LHFPL3: variants seen among roughly 807,000 people sequenced by gnomAD.
LHFPL3 encodes the protein LHFPL tetraspan subfamily member 3.
LHFPL3 carries 5 observed loss-of-function variants against 19.3 expected under a neutral mutation model. That is an observed-to-expected ratio of 0.26 (90% CI 0.14 to 0.54). The LOEUF (loss-of-function observed/expected upper bound fraction) is 0.54, where lower values mean the gene tolerates loss of function less well. Among genes scored for constraint, LHFPL3 ranks in the 20% least tolerant of loss-of-function variants. The pLI, the probability that LHFPL3 is intolerant of heterozygous loss-of-function variation, is 0.94. For synonymous variants in LHFPL3, 133 were observed against 126.2 expected (o/e 1.05, Z -0.36); for missense variants, 249 against 307.4 (o/e 0.81, Z 1.42).
chr7:104,649,251 G>A (rs1277784354), intron 1 of LHFPL3, among the ~76,000 whole-genome samples: 1 of 152,174 alleles, frequency 6.6e-6, no homozygotes, highest in Non-Finnish European at 1.5e-5. Flanking sequence ...CAGTCTGGAG[G>A]GTGCATTTGG....
At chr7:104,581,873 C>T (rs1790468841) in intron 1 of LHFPL3, among the ~76,000 whole-genome samples, 1 of 151,914 alleles carries the variant, frequency 6.6e-6, no homozygotes, top group South Asian at 2.1e-4. Flanking sequence ...ACCACACTGT[C>T]TTGATTAATG....
At chr7:104,650,956 G>C (rs1465569182) in intron 1 of LHFPL3, among the ~76,000 whole-genome samples, 1 of 152,192 alleles carries the variant, frequency 6.6e-6, no homozygotes, top group Admixed American at 6.5e-5. Context: ...GCTTCAGTTA[G>C]AGTCTATCTG....
At chr7:104,795,531 GA>G (rs1248219080) in intron 2 of LHFPL3, among the ~76,000 whole-genome samples, 1 of 152,198 alleles carries the variant, frequency 6.6e-6, no homozygotes, top group Non-Finnish European at 1.5e-5. Context: ...AGAGAAGGAA[GA>G]GGGGCTGAAA....
intron 1 of LHFPL3, among the ~76,000 whole-genome samples, chr7:104,345,087 G>A (rs1250797127): frequency 6.6e-6 from 1 of 152,066 alleles, no homozygotes; most frequent in Admixed American, 6.5e-5. Context: ...TTCTTTAATT[G>A]TTATAGAATC....
intron 1 of LHFPL3, among the ~76,000 whole-genome samples, chr7:104,692,902 G>C (rs539372891): frequency 1.3e-5 from 2 of 152,238 alleles, no homozygotes; most frequent in East Asian, 3.9e-4. Context: ...ACCCCAAAAT[G>C]GTAGATCCAC....
chr7:104,628,679 A>T (rs1027103777), intron 1 of LHFPL3, among the ~76,000 whole-genome samples: 1 of 152,210 alleles, frequency 6.6e-6, no homozygotes, highest in African/African-American at 2.4e-5. Context: ...AGTAGCATTC[A>T]TATTACTGGG....
At chr7:104,579,679 C>A (rs928192594) in intron 1 of LHFPL3, among the ~76,000 whole-genome samples, 5 of 152,180 alleles carry the variant, frequency 3.3e-5, no homozygotes, top group Non-Finnish European at 7.4e-5. Context: ...ATCTAAATTA[C>A]TCCATTTAGA....
chr7:104,586,073 A>G (rs966152029), intron 1 of LHFPL3, among the ~76,000 whole-genome samples: 1 of 152,160 alleles, frequency 6.6e-6, no homozygotes, highest in African/African-American at 2.4e-5. Flanking sequence ...AAAAATGAAT[A>G]GAATGAAAAT....
At chr7:104,378,080 A>G (rs1181800869) in intron 1 of LHFPL3, among the ~76,000 whole-genome samples, 1 of 152,204 alleles carries the variant, frequency 6.6e-6, no homozygotes, top group Non-Finnish European at 1.5e-5. Flanking sequence ...GTTCAAATGT[A>G]CAGTTTATAG....
At chr7:104,332,223 CTTT>C (rs1183733733) in intron 1 of LHFPL3, among the ~76,000 whole-genome samples, 1 of 63,942 alleles carries the variant, frequency 1.6e-5, no homozygotes, top group Non-Finnish European at 2.6e-5. Flanking sequence ...TATTTCTTTT[CTTT>C]TTTTTTTTTT....
intron 1 of LHFPL3, among the ~76,000 whole-genome samples, chr7:104,340,974 GT>G (rs2116365863): frequency 6.6e-6 from 1 of 152,304 alleles, no homozygotes; most frequent in South Asian, 2.1e-4. Flanking sequence ...TGAACATTTA[GT>G]CATTCTTACT....
chr7:104,840,319 T>TC (rs1791174857), intron 2 of LHFPL3, among the ~76,000 whole-genome samples: 1 of 148,028 alleles, frequency 6.8e-6, no homozygotes. Context: ...TTTTTTTTTT[T>TC]TTTTTTCTCC....
At chr7:104,675,398 G>A (rs1209451800) in intron 1 of LHFPL3, among the ~76,000 whole-genome samples, 6 of 152,080 alleles carry the variant, frequency 3.9e-5, no homozygotes, top group Non-Finnish European at 5.9e-5. Context: ...TTTGGCCTTC[G>A]CTCTACTCCT....
At chr7:104,561,730 G>A (rs1054794054) in intron 1 of LHFPL3, among the ~76,000 whole-genome samples, 3 of 151,988 alleles carry the variant, frequency 2.0e-5, no homozygotes, top group African/African-American at 7.3e-5. Context: ...TCATTATGAT[G>A]TTAGCTGGTT....
chr7:104,332,876 A>C (rs1300584245), intron 1 of LHFPL3, among the ~76,000 whole-genome samples: 1 of 152,064 alleles, frequency 6.6e-6, no homozygotes, highest in Non-Finnish European at 1.5e-5. Flanking sequence ...CATAAAAATA[A>C]TACATAAAAT....
chr7:104,775,762 T>C (rs1201897630), intron 2 of LHFPL3, among the ~76,000 whole-genome samples: 1 of 152,160 alleles, frequency 6.6e-6, no homozygotes, highest in Non-Finnish European at 1.5e-5. Flanking sequence ...ATCTTCTGAA[T>C]ACACCCAACA....
At chr7:104,627,554 C>A (rs1791568491) in intron 1 of LHFPL3, among the ~76,000 whole-genome samples, 1 of 152,132 alleles carries the variant, frequency 6.6e-6, no homozygotes, top group South Asian at 2.1e-4. Flanking sequence ...TTCAATGCAT[C>A]TTTGTGTCAT....
intron 1 of LHFPL3, among the ~76,000 whole-genome samples, chr7:104,500,831 C>T (rs973171195): frequency 6.6e-6 from 1 of 152,178 alleles, no homozygotes; most frequent in East Asian, 1.9e-4. Context: ...GCCCTGTCCT[C>T]CTTCACGTCT....
At chr7:104,818,716 G>A (rs554277185) in intron 2 of LHFPL3, among the ~76,000 whole-genome samples, 9 of 152,030 alleles carry the variant, frequency 5.9e-5, no homozygotes, top group East Asian at 1.9e-4. Flanking sequence ...TTGTTTCCAC[G>A]TTTCACTAAT....
Sources: allele counts gnomAD v4.1 joint callset (sites outside exome capture counted in the v4.1 genomes callset), GRCh38; gene constraint gnomAD v4.1.1; transcripts MANE v1.5; gene names NCBI Gene and HGNC (gene_info 2026-07-23, HGNC 2026-07-21).